Variants in DDX10 observed in about 807,000 individuals in gnomAD.
DDX10 encodes the protein probable ATP-dependent RNA helicase DDX10.
A neutral mutation model predicts 104.3 loss-of-function variants in DDX10; 74 were observed. The observed-to-expected ratio is 0.71, with a 90% CI of 0.59 to 0.86. The LOEUF (loss-of-function observed/expected upper bound fraction) is 0.86. DDX10 is among the 40% of genes least tolerant of loss of function. The probability of loss-of-function intolerance (pLI) is 0.00; values close to 1 mark genes in which losing one functional copy is unlikely to be tolerated. For synonymous variants in DDX10, 351 were observed against 353.4 expected (o/e 0.99, Z 0.08); for missense variants, 952 against 1,040.0 (o/e 0.92, Z 1.16).
At chr11:108,811,558 T>G (rs922676826) in intron 13 of DDX10, among the ~76,000 whole-genome samples, 2 of 152,206 alleles carry the variant, frequency 1.3e-5, no homozygotes, top group Non-Finnish European at 2.9e-5. Context: ...TAGCACATAA[T>G]TAAATATTAT....
chr11:108,826,060 T>G (rs1158372306), intron 13 of DDX10, among the ~76,000 whole-genome samples: 1 of 152,212 alleles, frequency 6.6e-6, no homozygotes, highest in Non-Finnish European at 1.5e-5. Context: ...CAGAAGAGAA[T>G]TAGGGTTGGG....
intron 16 of DDX10, among the ~76,000 whole-genome samples, chr11:108,916,693 A>G (rs1274775403): frequency 1.3e-5 from 2 of 152,164 alleles, no homozygotes; most frequent in Non-Finnish European, 2.9e-5. Context: ...TTTTAGTCCC[A>G]CTTATAATTT....
Position 108,729,252 on chromosome 11 carries a change from A to G in DDX10, c.1965+5790A>G, listed in dbSNP as rs536969187. ...AAGAGGGCCCCAGTGACACTACGTA[A>G]TACCTCCTTATGCCGCTCTTATTGA... On this transcript the variant is annotated intron_variant, in intron 13 of 17. Transcript: ENST00000322536. Among the ~76,000 whole-genome samples, 11 of 152,228 alleles carry G rather than the reference A, an allele frequency of 7.2e-5. No homozygotes were observed. The South Asian group carries it at 2.3e-3, about 32-fold the overall frequency.
chr11:108,708,500 A>G (rs984179655), intron 10 of DDX10, among the ~76,000 whole-genome samples: 1 of 151,970 alleles, frequency 6.6e-6, no homozygotes, highest in African/African-American at 2.4e-5. Flanking sequence ...TGGGAGTGCT[A>G]ATAATGTAAA....
At chr11:108,854,219 T>C (rs1862834732) in intron 16 of DDX10, among the ~76,000 whole-genome samples, 1 of 152,206 alleles carries the variant, frequency 6.6e-6, no homozygotes, top group Admixed American at 6.5e-5. Flanking sequence ...CTCATGGCTT[T>C]TGAGGTACCT....
intron 3 of DDX10, 106 bp from the exon 4 acceptor site, chr11:108,676,979 C>CTTT: frequency 2.1e-6 from 2 of 961,522 alleles, no homozygotes; most frequent in Non-Finnish European, 3.1e-6. Flanking sequence ...GAGTGGTATG[C>CTTT]CTTCTGCTTG....
chr11:108,772,689 G>A (rs923052282), intron 13 of DDX10, among the ~76,000 whole-genome samples: 1 of 152,220 alleles, frequency 6.6e-6, no homozygotes, highest in Non-Finnish European at 1.5e-5. Flanking sequence ...GAAGGTGAGC[G>A]GCCAGGCGGG....
chr11:108,809,378 G>A (rs1862146501), intron 13 of DDX10, among the ~76,000 whole-genome samples: 1 of 152,196 alleles, frequency 6.6e-6, no homozygotes, highest in Non-Finnish European at 1.5e-5. Flanking sequence ...ATGTGTGTTG[G>A]TTGACTTTTT....
intron 13 of DDX10, among the ~76,000 whole-genome samples, chr11:108,817,236 G>A (rs1862268082): frequency 6.6e-6 from 1 of 152,114 alleles, no homozygotes; most frequent in South Asian, 2.1e-4. Context: ...ACTCTGTCCT[G>A]TGAGGCCTTA....
intron 13 of DDX10, among the ~76,000 whole-genome samples, chr11:108,792,584 C>T (rs1031122956): frequency 6.6e-6 from 1 of 152,084 alleles, no homozygotes; most frequent in Non-Finnish European, 1.5e-5. Flanking sequence ...GAATACATTT[C>T]TCTTTCTGGA....
chr11:108,753,539 C>T (rs1009910791), intron 13 of DDX10, among the ~76,000 whole-genome samples: 7 of 151,976 alleles, frequency 4.6e-5, no homozygotes, highest in African/African-American at 1.7e-4. Flanking sequence ...CTCTGTCCAT[C>T]GTGTTTTCAT....
chr11:108,806,990 A>G (rs975348516), intron 13 of DDX10, among the ~76,000 whole-genome samples: 1 of 152,210 alleles, frequency 6.6e-6, no homozygotes, highest in Non-Finnish European at 1.5e-5. Context: ...TGAACAGGTT[A>G]AAGATGTGAT....
rs551219827 is a variant in DDX10 at position 108,690,486 on chromosome 11, A to G, written c.976-1390A>G. ...GTCTGTCACCCTGCAAGGGCTGGTG[A>G]GCTTGCCGATCTTGTTCCCCAAGTA... is the stretch of plus-strand genomic sequence containing the variant. On this transcript the variant is annotated intron_variant, in intron 7 of 17. Transcript: ENST00000322536. The G allele has an allele frequency of 2.0e-4, 31 of 155,144 alleles. No individual in the cohort carries two copies. The East Asian group carries it at 5.6e-3, about 28-fold the overall frequency. 9.6% of individuals were successfully genotyped at this position (155,144 alleles called of 1,614,324 possible). A position where few individuals can be genotyped will look rare whatever the true frequency, so the allele number is the denominator to read the frequency against.
intron 16 of DDX10, among the ~76,000 whole-genome samples, chr11:108,905,887 G>T (rs1318540988): frequency 6.6e-6 from 1 of 152,292 alleles, no homozygotes; most frequent in African/African-American, 2.4e-5. Context: ...GAGAAGTGGG[G>T]TGAAGTGACA....
At chr11:108,917,173 T>C (rs1591124795) in intron 16 of DDX10, among the ~76,000 whole-genome samples, 1 of 151,128 alleles carries the variant, frequency 6.6e-6, no homozygotes, top group Admixed American at 6.6e-5. Context: ...CACGAGATCT[T>C]CCTGCCTCAG....
intron 13 of DDX10, among the ~76,000 whole-genome samples, chr11:108,764,123 T>G (rs139452984): frequency 3.2e-4 from 48 of 152,332 alleles, no homozygotes; most frequent in African/African-American, 1.0e-3. Context: ...TTGTGTTAGA[T>G]AGCAGCAAAA....
chr11:108,720,008 T>C, intron 12 of DDX10, 123 bp downstream of exon 12: 1 of 666,078 alleles, frequency 1.5e-6, no homozygotes, highest in Middle Eastern at 3.9e-4. Context: ...GCTCCAGCAG[T>C]CCACCCACCT....
chr11:108,794,830 CTCTT>C lies in DDX10; in HGVS notation c.1966-43614_1966-43611del, dbSNP rs1281505332. Among the ~76,000 whole-genome samples the C allele has an allele frequency of 1.4e-3, 206 of 151,630 alleles. 1 individual carries two copies. The highest frequency in any genetic ancestry group is 4.8e-3 in the African/African-American group (197 of 41,404). On this transcript the variant is annotated intron_variant, in intron 13 of 17. Coordinates refer to ENST00000322536, the MANE Select transcript of DDX10 (RefSeq NM_004398.4). ...CCCCTATAGTTTTTTCTCTCTCTCT[CTCTT>C]TTTTTTTTTTGAGACAGGAGCTCAC...
At chr11:108,857,839 A>C (rs1862891557) in intron 16 of DDX10, among the ~76,000 whole-genome samples, 4 of 152,228 alleles carry the variant, frequency 2.6e-5, no homozygotes, top group Admixed American at 2.0e-4. Context: ...TGAGAGTCTT[A>C]AAAACTGAAG....
Sources: gnomAD v4.1 joint callset for allele counts (sites outside exome capture counted in the v4.1 genomes callset) on GRCh38, gnomAD v4.1.1 for gene constraint, MANE v1.5 for transcripts, NCBI Gene and HGNC (gene_info 2026-07-23, HGNC 2026-07-21) for gene names.